Variants in ENOX1 observed in about 807,000 individuals in gnomAD.
The protein encoded by ENOX1 is candidate growth-related and time keeping constitutive hydroquinone (NADH) oxidase.
In ENOX1, 42 loss-of-function variants were observed where a neutral mutation model predicts 82.5. The observed-to-expected ratio is 0.51, with a 90% CI of 0.40 to 0.66. The LOEUF (loss-of-function observed/expected upper bound fraction) is 0.66, where lower values mean the gene tolerates loss of function less well. Among genes scored for constraint, ENOX1 ranks in the 30% least tolerant of loss-of-function variants. The pLI, the probability that ENOX1 is intolerant of heterozygous loss-of-function variation, is 0.00. For missense variants in ENOX1, 608 were observed against 811.6 expected (o/e 0.75, Z 3.05); for synonymous variants, 271 against 282.2 (o/e 0.96, Z 0.40).
Position 43,412,063 on chromosome 13 carries a change from A to G in ENOX1, c.71-10T>C, listed in dbSNP as rs1028033820. The G allele has an allele frequency of 2.5e-6, 4 of 1,612,714 alleles. No homozygotes were observed. The African/African-American group carries it at 4.0e-5, about 16-fold the overall frequency. On this transcript the variant is annotated splice_polypyrimidine_tract_variant and intron_variant, in intron 4 of 16. Coordinates refer to ENST00000690772, the MANE Select transcript of ENOX1 (RefSeq NM_001347969.2). ...CCCAAACCATCGGCTGCTGTGGGGA[A>G]AAACAAACCATGATTTAGAGTCCAT...
At chr13:43,341,578 G>A (rs115528908) in intron 9 of ENOX1, among the ~76,000 whole-genome samples, 2,713 of 152,284 alleles carry the variant, frequency 0.018, 88 homozygotes, top group African/African-American at 0.062. Context: ...AGAGAGCTCT[G>A]TCAGCTAGGG....
intron 2 of ENOX1, among the ~76,000 whole-genome samples, chr13:43,549,440 C>T (rs948209125): frequency 6.6e-6 from 1 of 152,108 alleles, no homozygotes; most frequent in East Asian, 1.9e-4. Context: ...AGCACAAGTC[C>T]CTCTATTCAA....
At chr13:43,666,308 G>A (rs2084975891) in intron 2 of ENOX1, among the ~76,000 whole-genome samples, 2 of 152,238 alleles carry the variant, frequency 1.3e-5, no homozygotes, top group African/African-American at 4.8e-5. Flanking sequence ...GCTGAATTGT[G>A]TACCCCAAAA....
chr13:43,326,500 G>T lies in ENOX1; in HGVS notation c.1062C>A (p.Asn354Lys), dbSNP rs774078617. Reference protein sequence around the residue: ...TQFEQIVAVFNASTRQKAWDH... With the variant: ...TQFEQIVAVFKASTRQKAWDH... ...CCCAAGCTTTTTGTCTGGTAGAAGC[G>T]TTGAAAACGGCCACAATCTGCTCAA... Residue 354 changes from asparagine to lysine, a missense_variant, in exon 10 of 17, where the codon AAC becomes AAA. Coordinates refer to ENST00000690772, the MANE Select transcript of ENOX1 (RefSeq NM_001347969.2). 1 of 1,614,104 alleles carries T rather than the reference G, an allele frequency of 6.2e-7. No individual in the cohort carries two copies. Among genetic ancestry groups the T allele is most frequent in the Non-Finnish European group, 8.5e-7 (1 of 1,179,958 alleles).
intron 2 of ENOX1, among the ~76,000 whole-genome samples, chr13:43,562,687 T>G (rs947992650): frequency 4.0e-5 from 6 of 151,598 alleles, no homozygotes; most frequent in Admixed American, 3.9e-4. Flanking sequence ...AGATTGAAAA[T>G]AAAGAACTGG....
intron 2 of ENOX1, among the ~76,000 whole-genome samples, chr13:43,503,926 C>G (rs757578907): frequency 5.3e-5 from 8 of 151,472 alleles, no homozygotes; most frequent in Non-Finnish European, 1.0e-4. Flanking sequence ...GGGAGAAAAC[C>G]TTTGCAAAAT....
At chr13:43,666,541 G>C (rs1394923285) in intron 2 of ENOX1, among the ~76,000 whole-genome samples, 1 of 151,688 alleles carries the variant, frequency 6.6e-6, no homozygotes, top group Non-Finnish European at 1.5e-5. Context: ...GAATGCCTGA[G>C]GCTGCCAGAA....
chr13:43,241,115 TA>T (rs2042806975), intron 14 of ENOX1, among the ~76,000 whole-genome samples: 1 of 152,184 alleles, frequency 6.6e-6, no homozygotes, highest in Admixed American at 6.5e-5. Flanking sequence ...GGGGAACACA[TA>T]AGGACATTGA....
chr13:43,685,605 C>A (rs2086024665), intron 1 of ENOX1, among the ~76,000 whole-genome samples: 1 of 152,004 alleles, frequency 6.6e-6, no homozygotes, highest in South Asian at 2.1e-4. Context: ...GAAAGAAAGG[C>A]ATTATATGGT....
chr13:43,437,578 G>C (rs2056108519), intron 3 of ENOX1, among the ~76,000 whole-genome samples: 1 of 152,200 alleles, frequency 6.6e-6, no homozygotes, highest in Admixed American at 6.5e-5. Context: ...TGGGGCAAAA[G>C]ATACAGGATG....
At chr13:43,418,300 G>C (rs1015895952) in intron 3 of ENOX1, among the ~76,000 whole-genome samples, 1 of 152,202 alleles carries the variant, frequency 6.6e-6, no homozygotes, top group African/African-American at 2.4e-5. Context: ...GGTGGAGGCG[G>C]GCCAATCACC....
chr13:43,467,526 T>A (rs3044066), intron 3 of ENOX1, among the ~76,000 whole-genome samples: 4 of 148,004 alleles, frequency 2.7e-5, no homozygotes, highest in Non-Finnish European at 4.4e-5. Flanking sequence ...TTTAAAATTT[T>A]AAATTTTAAA....
intron 5 of ENOX1, among the ~76,000 whole-genome samples, chr13:43,362,715 C>T (rs2050607472): frequency 6.6e-6 from 1 of 152,194 alleles, no homozygotes; most frequent in Admixed American, 6.5e-5. Context: ...CCAGAGAATA[C>T]AGAAGGTCTA....
intron 2 of ENOX1, among the ~76,000 whole-genome samples, chr13:43,667,253 C>G (rs2085028069): frequency 6.6e-6 from 1 of 152,162 alleles, no homozygotes; most frequent in Non-Finnish European, 1.5e-5. Flanking sequence ...AGTGACCAGT[C>G]CTATTTCCTT....
intron 2 of ENOX1, among the ~76,000 whole-genome samples, chr13:43,619,259 G>A (rs2082620669): frequency 6.6e-6 from 1 of 152,054 alleles, no homozygotes; most frequent in Non-Finnish European, 1.5e-5. Flanking sequence ...GCTCTGGCTA[G>A]GACTTCCAGT....
chr13:43,481,225 T>C (rs891761130), intron 3 of ENOX1, among the ~76,000 whole-genome samples: 1 of 152,084 alleles, frequency 6.6e-6, no homozygotes, highest in African/African-American at 2.4e-5. Flanking sequence ...ATATATTATA[T>C]ACAGAGTTTC....
intron 3 of ENOX1, among the ~76,000 whole-genome samples, chr13:43,475,260 T>G (rs1467626925): frequency 1.3e-5 from 2 of 152,092 alleles, no homozygotes; most frequent in Non-Finnish European, 2.9e-5. Flanking sequence ...GAGCTAAAAG[T>G]GAAAAGCATT....
In ENOX1 at chr13:43,786,243, G is replaced by A. The variant is rs1395499520; in HGVS notation, c.-285+409C>T. On this transcript the variant is annotated intron_variant, in intron 1 of 16. Transcript: ENST00000690772. This position sits in a 1 kb window ranked among gnomAD's most constrained non-coding sequence, Gnocchi z 6.0. ...GGCAGCGGGAACACTGTGTGGGCAG[G>A]AACGGGTCCCGGGGGCGACGCCCGC... Among the ~76,000 whole-genome samples, 1 of 152,140 alleles carries A rather than the reference G, an allele frequency of 6.6e-6. No individual in the cohort carries two copies. The highest frequency in any genetic ancestry group is 1.5e-5 in the Non-Finnish European group (1 of 68,016).
chr13:43,284,674 T>C (rs1009094902), intron 12 of ENOX1, among the ~76,000 whole-genome samples: 9 of 152,178 alleles, frequency 5.9e-5, no homozygotes, highest in African/African-American at 2.2e-4. Context: ...GCGCTACTTA[T>C]TACACTCTTC....
Sources: gnomAD v4.1 joint callset for allele counts (sites outside exome capture counted in the v4.1 genomes callset) on GRCh38, gnomAD v4.1.1 for gene constraint, Gnocchi (gnomAD v3.1) non-coding constraint, MANE v1.5 for transcripts, NCBI Gene and HGNC (gene_info 2026-07-23, HGNC 2026-07-21) for gene names.